SEPTIN9: variants seen among roughly 807,000 people sequenced by gnomAD.
SEPTIN9 encodes the protein septin 9, also known as septin-9.
Under a neutral mutation model 56.6 loss-of-function variants are expected in SEPTIN9, and 13 were observed. The observed-to-expected ratio is 0.23, with a 90% CI of 0.15 to 0.37. The LOEUF is 0.37. Ranked by LOEUF, SEPTIN9 falls within the 10% of genes least tolerant of loss-of-function variation. The pLI, the probability that SEPTIN9 is intolerant of heterozygous loss-of-function variation, is 1.00. For synonymous variants in SEPTIN9, 332 were observed against 334.1 expected (o/e 0.99, Z 0.07); for missense variants, 650 against 823.1 (o/e 0.79, Z 2.57).
rs1217491362 is a variant in SEPTIN9 at position 77,397,084 on chromosome 17, G to C, written c.77-4975G>C. On this transcript the variant is annotated intron_variant, in intron 2 of 11. Coordinates refer to ENST00000427177, the MANE Select transcript of SEPTIN9 (RefSeq NM_001113491.2). ...AGCCAGGGGTTTCATCTTCCCAGGG[G>C]TCTCGTTGTGAGTGTCCTGGGGCTG... 1.9e-5 allele frequency: 3 copies of C among 154,846 alleles called. No homozygotes were observed. In the East Asian group the frequency reaches 5.8e-4, roughly 30 times the overall value. The allele number at this position is 154,846 out of a possible 1,614,324, so 9.6% of individuals were successfully genotyped here. A position where few individuals can be genotyped will look rare whatever the true frequency, so the allele number is the denominator to read the frequency against.
rs1386496386 is a variant in SEPTIN9, at chr17:77,492,604, C to T, written c.1381-17C>T. ...TTGCCACAGGGATGGGCCCATCTCT[C>T]TCCCTCCTTATCCCAGATCACCGCA... On this transcript the variant is annotated splice_polypyrimidine_tract_variant and intron_variant, in intron 8 of 11. Transcript: ENST00000427177. The surrounding 1 kb of genome is among the most constrained non-coding windows in gnomAD (Gnocchi z 5.4). The T allele has an allele frequency of 6.2e-7, 1 of 1,612,046 alleles. No homozygotes were observed.
At chr17:77,295,226 T>G (rs1394646237) in intron 1 of SEPTIN9, among the ~76,000 whole-genome samples, 1 of 152,192 alleles carries the variant, frequency 6.6e-6, no homozygotes, top group East Asian at 1.9e-4. Context: ...GTTAGGGCCC[T>G]TCTCAGTGCC....
intron 2 of SEPTIN9, among the ~76,000 whole-genome samples, chr17:77,366,341 A>C (rs1401559377): frequency 1.3e-5 from 2 of 152,168 alleles, no homozygotes; most frequent in Non-Finnish European, 2.9e-5. Flanking sequence ...GGGCTGGAGT[A>C]GGAACAGGAG....
chr17:77,375,483 G>C (rs574147502), intron 2 of SEPTIN9: 1 of 152,264 alleles, frequency 6.6e-6, no homozygotes, highest in African/African-American at 2.4e-5. Flanking sequence ...CACTATGAAA[G>C]TTGTTAGTGC....
intron 3 of SEPTIN9, among the ~76,000 whole-genome samples, chr17:77,444,479 G>C (rs544182103): frequency 1.3e-5 from 2 of 151,992 alleles, no homozygotes; most frequent in East Asian, 2.0e-4. Context: ...GGGTCGGGGA[G>C]GGGGGTGTGG....
rs1208693954 is a variant in SEPTIN9, at chr17:77,313,033, C to T, written c.76+5836C>T. Among the ~76,000 whole-genome samples, 1 of 152,062 alleles carries T rather than the reference C, an allele frequency of 6.6e-6. No homozygotes were observed. Among genetic ancestry groups the T allele is most frequent in the Non-Finnish European group, 1.5e-5 (1 of 68,024 alleles). ...CATCTTCACGTTGGATCCACAAATT[C>T]ATTGTTTATCCAGTGAACGGTTACT... On this transcript the variant is annotated intron_variant, in intron 2 of 11. Transcript: ENST00000427177. The surrounding 1 kb of genome is among the most constrained non-coding windows in gnomAD (Gnocchi z 4.5).
intron 3 of SEPTIN9, among the ~76,000 whole-genome samples, chr17:77,477,287 G>A (rs1339143725): frequency 1.3e-5 from 2 of 151,996 alleles, no homozygotes. Flanking sequence ...AAAAGGAAAC[G>A]CCATCCTCGG....
At chr17:77,320,400 G>C in intron 2 of SEPTIN9, 1 of 1,519,582 alleles carries the variant, frequency 6.6e-7, no homozygotes, top group Non-Finnish European at 9.1e-7. Context: ...CCTGGACTCG[G>C]GGCTTTATTT....
chr17:77,464,220 G>A (rs915616824), intron 3 of SEPTIN9, among the ~76,000 whole-genome samples: 3 of 152,018 alleles, frequency 2.0e-5, no homozygotes, highest in Non-Finnish European at 4.4e-5. Context: ...GGATTACAAG[G>A]TGCCTGCCAC....
At chr17:77,305,994 T>G (rs2032247619) in intron 1 of SEPTIN9, among the ~76,000 whole-genome samples, 1 of 10,068 alleles carries the variant, frequency 9.9e-5, no homozygotes, top group African/African-American at 4.2e-4. Flanking sequence ...GTGAATGGAT[T>G]GGTGGGTGGG....
Position 77,346,278 on chromosome 17 carries a change from C to CTTTTTTTTTTTTTTTTT in SEPTIN9, c.76+39094_76+39110dup, listed in dbSNP as rs577131369. Among the ~76,000 whole-genome samples the CTTTTTTTTTTTTTTTTT allele has an allele frequency of 5.0e-4, 23 of 46,316 alleles. 1 individual carries two copies. Among genetic ancestry groups the CTTTTTTTTTTTTTTTTT allele is most frequent in the East Asian group, 8.7e-4 (1 of 1,144 alleles). 30.4% of individuals were successfully genotyped at this position (46,316 alleles called of 152,430 possible). On this transcript the variant is annotated intron_variant, in intron 2 of 11. Coordinates refer to ENST00000427177, the MANE Select transcript of SEPTIN9 (RefSeq NM_001113491.2). ...AGATTCTTAAAGCAGATCCTTAGGT[C>CTTTTTTTTTTTTTTTTT]TTTTTTTTTTTTTTTTTTTTTTTTT...
Position 77,476,937 on chromosome 17 carries a change from T to G in SEPTIN9, c.722-5207T>G, listed in dbSNP as rs1384117204. 6.6e-6 allele frequency among the ~76,000 whole-genome samples: 1 copy of G among 152,200 alleles called. No homozygotes were observed. Among genetic ancestry groups the G allele is most frequent in the Non-Finnish European group, 1.5e-5 (1 of 68,032 alleles). The stretch of plus-strand genomic sequence containing the variant: ...CACTGGACTCTTTATTTTATTTTAC[T>G]TTACATTCTGGGATACATGTGCAGA... On this transcript the variant is annotated intron_variant, in intron 3 of 11. Coordinates refer to ENST00000427177, the MANE Select transcript of SEPTIN9 (RefSeq NM_001113491.2). This position sits in a 1 kb window ranked among gnomAD's most constrained non-coding sequence, Gnocchi z 6.0.
chr17:77,315,737 G>T (rs528749240), intron 2 of SEPTIN9, among the ~76,000 whole-genome samples: 80 of 152,314 alleles, frequency 5.3e-4, no homozygotes, highest in African/African-American at 1.9e-3. Context: ...CTTCCTTCCC[G>T]CCCTGCCAGG....
intron 11 of SEPTIN9, 90 bp downstream of exon 11, chr17:77,497,456 C>T: frequency 7.8e-7 from 1 of 1,282,722 alleles, no homozygotes; most frequent in Non-Finnish European, 1.1e-6. Flanking sequence ...GGGCCGAAGC[C>T]CTGGGCAGAG....
chr17:77,414,868 G>A (rs2036443425), intron 3 of SEPTIN9, among the ~76,000 whole-genome samples: 1 of 152,192 alleles, frequency 6.6e-6, no homozygotes. Context: ...GTGAGCTACT[G>A]CGCCTGGCCG....
chr17:77,306,875 C>T (rs531069039), intron 1 of SEPTIN9, among the ~76,000 whole-genome samples: 1 of 152,310 alleles, frequency 6.6e-6, no homozygotes, highest in African/African-American at 2.4e-5. Flanking sequence ...TCCTTATCTG[C>T]AAAACAGGGG....
At chr17:77,362,525 T>C (rs1468829552) in intron 2 of SEPTIN9, among the ~76,000 whole-genome samples, 3 of 152,184 alleles carry the variant, frequency 2.0e-5, no homozygotes, top group Non-Finnish European at 4.4e-5. Context: ...TCTAATTTAT[T>C]TTGTTCCCTT....
chr17:77,283,700 C>G (rs771435673), intron 1 of SEPTIN9, among the ~76,000 whole-genome samples: 1 of 152,086 alleles, frequency 6.6e-6, no homozygotes, highest in Non-Finnish European at 1.5e-5. Context: ...ATGTTGTTCC[C>G]GGTAGACCTG....
chr17:77,349,177 T>C (rs1475343602), intron 2 of SEPTIN9, among the ~76,000 whole-genome samples: 9 of 152,176 alleles, frequency 5.9e-5, no homozygotes. Flanking sequence ...TCAAAACTCC[T>C]GCCCAATCTC....
Sources: gnomAD v4.1 joint callset for allele counts (sites outside exome capture counted in the v4.1 genomes callset) on GRCh38, gnomAD v4.1.1 for gene constraint, Gnocchi (gnomAD v3.1) non-coding constraint, MANE v1.5 for transcripts, NCBI Gene and HGNC (gene_info 2026-07-23, HGNC 2026-07-21) for gene names.